ABHD12: variants seen among roughly 807,000 people sequenced by gnomAD.
The protein encoded by ABHD12 is lysophosphatidylserine lipase ABHD12.
ABHD12 carries 43 observed loss-of-function variants against 58.3 expected under a neutral mutation model. The ratio of observed to expected loss-of-function variants is 0.74; its 90% CI spans 0.58 to 0.95. ABHD12 has a LOEUF of 0.95. ABHD12 is among the 40% of genes least tolerant of loss of function. The pLI is 0.00. For synonymous variants in ABHD12, 219 were observed against 211.2 expected (o/e 1.04, Z -0.32); for missense variants, 539 against 537.2 (o/e 1.00, Z -0.03).
chr20:25,300,418 T>C lies in ABHD12; in HGVS notation c.*427A>G, dbSNP rs1401504754. ...ATGGAACCACTGGAGTCATTCTGCA[T>C]GTGCTGGGAAGGTGCAGAAAGAACC... On this transcript the variant is annotated 3_prime_UTR_variant, in exon 13 of 13. Transcript: ENST00000339157. The C allele has an allele frequency of 3.5e-6, 4 of 1,145,820 alleles. No homozygotes were observed. The highest frequency in any genetic ancestry group is 3.9e-4 in the Middle Eastern group (1 of 2,538). 71.0% of individuals were successfully genotyped at this position (1,145,820 alleles called of 1,614,324 possible).
chr20:25,302,402 T>A (rs2088653870), intron 11 of ABHD12, 56 bp from the exon 12 acceptor site: 1 of 1,607,146 alleles, frequency 6.2e-7, no homozygotes, highest in African/African-American at 1.3e-5. Context: ...GGTCCCAGCC[T>A]GAGGAACACC....
chr20:25,339,297 C>A lies in ABHD12; in HGVS notation c.246G>T (p.Leu82Phe), dbSNP rs1344128011. The change falls in exon 2 of 13, where the codon TTG (leucine) becomes TTT (phenylalanine). Residue 82 changes from leucine to phenylalanine, a missense_variant. Coordinates refer to ENST00000339157, the MANE Select transcript of ABHD12 (RefSeq NM_001042472.3). ...TGATGAGAAATGGAATGGCAATGTA[C>A]AACCCCAAAACACAGAAAAGTATCT... ...LRKILFCVLG[L>F]YIAIPFLIKL... 1 of 1,614,178 alleles carries A rather than the reference C, an allele frequency of 6.2e-7. No homozygotes were observed. Among genetic ancestry groups the A allele is most frequent in the South Asian group, 1.1e-5 (1 of 91,076 alleles).
At chr20:25,322,176 G>GC (rs2089077866) in intron 3 of ABHD12, among the ~76,000 whole-genome samples, 3 of 151,702 alleles carry the variant, frequency 2.0e-5, no homozygotes, top group South Asian at 4.2e-4. Context: ...GTGTACAGAA[G>GC]AAAACATTAA....
intron 1 of ABHD12, among the ~76,000 whole-genome samples, chr20:25,388,449 G>C (rs571197884): frequency 1.3e-5 from 2 of 152,310 alleles, no homozygotes; most frequent in Admixed American, 6.5e-5. Flanking sequence ...GTGATAACAA[G>C]GTCGACAGGA....
intron 2 of ABHD12, among the ~76,000 whole-genome samples, chr20:25,327,982 AC>A (rs1191081321): frequency 6.6e-6 from 1 of 151,944 alleles, no homozygotes; most frequent in African/African-American, 2.4e-5. Context: ...TTCATCTCTG[AC>A]CTGACCATCA....
intron 2 of ABHD12, among the ~76,000 whole-genome samples, chr20:25,324,379 T>C (rs888583718): frequency 6.6e-6 from 1 of 152,226 alleles, no homozygotes; most frequent in Non-Finnish European, 1.5e-5. Context: ...TTTCCTTATA[T>C]ACCATTGTAG....
intron 2 of ABHD12, 84 bp from the exon 3 acceptor site, chr20:25,323,514 T>G: frequency 1.2e-6 from 1 of 836,292 alleles, no homozygotes; most frequent in Non-Finnish European, 2.1e-6. Context: ...CTCACACACG[T>G]GCACAGATAT....
At chr20:25,381,741 C>A (rs1027701111) in intron 1 of ABHD12, among the ~76,000 whole-genome samples, 8 of 151,844 alleles carry the variant, frequency 5.3e-5, no homozygotes, top group Non-Finnish European at 1.0e-4. Context: ...TGGGTTCAAG[C>A]GATTCTCCTG....
intron 1 of ABHD12, among the ~76,000 whole-genome samples, chr20:25,346,100 C>T (rs187802383): frequency 3.1e-4 from 47 of 152,224 alleles, no homozygotes; most frequent in African/African-American, 1.1e-3. Context: ...TAAACTGGTA[C>T]ATCCGGACAA....
intron 5 of ABHD12, among the ~76,000 whole-genome samples, chr20:25,315,422 AT>A (rs950136349): frequency 1.3e-5 from 2 of 150,848 alleles, no homozygotes; most frequent in Non-Finnish European, 3.0e-5. Context: ...GCTCTTGTCA[AT>A]TTTTTTTTCT....
chr20:25,304,098 AC>A (rs1466549591), intron 10 of ABHD12, among the ~76,000 whole-genome samples: 2 of 152,274 alleles, frequency 1.3e-5, no homozygotes, highest in African/African-American at 4.8e-5. Flanking sequence ...TCAGCAAACC[AC>A]ATAACAGAAG....
At chr20:25,370,101 T>C (rs773105670) in intron 1 of ABHD12, among the ~76,000 whole-genome samples, 12 of 152,176 alleles carry the variant, frequency 7.9e-5, no homozygotes, top group Non-Finnish European at 1.5e-4. Context: ...TTAAATTGAT[T>C]ACAGTGGACC....
chr20:25,322,432 TG>T (rs1303798210), intron 3 of ABHD12, among the ~76,000 whole-genome samples: 11 of 141,498 alleles, frequency 7.8e-5, no homozygotes, highest in Non-Finnish European at 1.5e-4. Context: ...CAGGCTGGAG[TG>T]CAGTGGCATA....
chr20:25,375,849 G>A (rs1178412498), intron 1 of ABHD12, among the ~76,000 whole-genome samples: 1 of 152,220 alleles, frequency 6.6e-6, no homozygotes, highest in African/African-American at 2.4e-5. Context: ...TTAGCTGGGT[G>A]CAGTGGCTCA....
At chr20:25,323,275 T>A (rs758473663) in intron 3 of ABHD12, 50 bp downstream of exon 3, 1 of 1,156,320 alleles carries the variant, frequency 8.6e-7, no homozygotes, top group South Asian at 1.2e-5. Flanking sequence ...CTCAGTCATG[T>A]AGGGTCCTTT....
At chr20:25,366,127 TG>T (rs2146097016) in intron 1 of ABHD12, among the ~76,000 whole-genome samples, 1 of 152,378 alleles carries the variant, frequency 6.6e-6, no homozygotes, top group South Asian at 2.1e-4. Flanking sequence ...TATTTTTCAT[TG>T]GGCCTTGAAC....
At chr20:25,303,005 GAC>G (rs2088665550) in intron 11 of ABHD12, among the ~76,000 whole-genome samples, 1 of 152,204 alleles carries the variant, frequency 6.6e-6, no homozygotes, top group South Asian at 2.1e-4. Context: ...CCAACTTGCT[GAC>G]AGTCAAAGCA....
intron 1 of ABHD12, among the ~76,000 whole-genome samples, chr20:25,352,786 A>G (rs535498070): frequency 2.6e-5 from 4 of 152,316 alleles, no homozygotes; most frequent in African/African-American, 2.4e-5. Flanking sequence ...GCTGATGCCT[A>G]TAATTCCAGC....
At chr20:25,311,191 G>T (rs993661826) in intron 6 of ABHD12, among the ~76,000 whole-genome samples, 8 of 152,204 alleles carry the variant, frequency 5.3e-5, no homozygotes, top group Non-Finnish European at 8.8e-5. Flanking sequence ...GGGAATGAAA[G>T]GTATGGAAGG....
Sources: gnomAD v4.1 joint callset for allele counts (sites outside exome capture counted in the v4.1 genomes callset) on GRCh38, gnomAD v4.1.1 for gene constraint, MANE v1.5 for transcripts, NCBI Gene and HGNC (gene_info 2026-07-23, HGNC 2026-07-21) for gene names.